TTC23: variants seen among roughly 807,000 people sequenced by gnomAD.
The protein encoded by TTC23 is tetratricopeptide repeat domain 23.
In TTC23, 58 loss-of-function variants were observed where a neutral mutation model predicts 55.1. The ratio of observed to expected loss-of-function variants is 1.05; its 90% CI spans 0.85 to 1.31. TTC23 has a LOEUF of 1.31. Among genes scored for constraint, TTC23 ranks in the 50% most tolerant of loss-of-function variants. The pLI is 0.00. For synonymous variants in TTC23, 203 were observed against 199.9 expected, an observed-to-expected ratio of 1.02 and a Z score of -0.13; for missense variants, 516 against 534.4, an observed-to-expected ratio of 0.97 and a Z score of 0.34.
At chr15:99,197,260 G>A (rs954212819) in intron 9 of TTC23, among the ~76,000 whole-genome samples, 64 of 152,042 alleles carry the variant, frequency 4.2e-4, no homozygotes, top group African/African-American at 1.2e-3. Context: ...CCGCCACCAT[G>A]CCCGGCTAAT....
chr15:99,196,926 G>C (rs1365010204), intron 9 of TTC23, among the ~76,000 whole-genome samples: 2 of 152,162 alleles, frequency 1.3e-5, no homozygotes, highest in African/African-American at 2.4e-5. Flanking sequence ...AGCAGAGGGA[G>C]CTTCTTATAG....
intron 4 of TTC23, among the ~76,000 whole-genome samples, chr15:99,233,681 A>G (rs1243413443): frequency 6.6e-6 from 1 of 152,234 alleles, no homozygotes; most frequent in Non-Finnish European, 1.5e-5. Context: ...ACGATCAGAA[A>G]CAAGACAAGA....
At chr15:99,228,490 C>CTCAA (rs755377774) in intron 5 of TTC23, 43 bp downstream of exon 5, 1 of 1,525,952 alleles carries the variant, frequency 6.6e-7, no homozygotes, top group East Asian at 2.3e-5. Context: ...TACCATATAG[C>CTCAA]TCAATTCTCA....
At chr15:99,176,427 A>G (rs1335529498) in intron 9 of TTC23, among the ~76,000 whole-genome samples, 1 of 152,142 alleles carries the variant, frequency 6.6e-6, no homozygotes, top group Non-Finnish European at 1.5e-5. Flanking sequence ...CCTGGGCAAC[A>G]TGGTGAAACC....
intron 2 of TTC23, among the ~76,000 whole-genome samples, chr15:99,242,771 C>T (rs2079916021): frequency 6.6e-6 from 1 of 152,022 alleles, no homozygotes. Flanking sequence ...ACACATTTGG[C>T]AAAATCCATT....
intron 8 of TTC23, among the ~76,000 whole-genome samples, chr15:99,209,115 A>G (rs2076845328): frequency 6.6e-6 from 1 of 152,230 alleles, no homozygotes; most frequent in South Asian, 2.1e-4. Context: ...AAGAGGAGAC[A>G]CTATCTCATT....
Position 99,147,319 on chromosome 15 carries a change from A to G in TTC23, c.1144-7920T>C, listed in dbSNP as rs1350619928. Among the ~76,000 whole-genome samples, 379 of 143,096 alleles carry G rather than the reference A, an allele frequency of 2.6e-3. 3 individuals carry two copies. Among genetic ancestry groups the G allele is most frequent in the Non-Finnish European group, 3.4e-3 (226 of 66,298 alleles). The allele number at this position is 143,096 out of a possible 152,430, so 93.9% of individuals were successfully genotyped here. On this transcript the variant is annotated intron_variant, in intron 12 of 13. Coordinates refer to ENST00000394132, the MANE Select transcript of TTC23 (RefSeq NM_001288615.3). ...CAGCTCACTGCAAGCTCCGCCTCCC[A>G]GGTTCACGCCATTCTCCTGCCTCAG...
In TTC23 at chr15:99,219,020, T is replaced by C; in HGVS notation, c.333A>G (p.Ala111=). The C allele has an allele frequency of 6.2e-7, 1 of 1,614,180 alleles. No homozygotes were observed. Among genetic ancestry groups the C allele is most frequent in the Non-Finnish European group, 8.5e-7 (1 of 1,180,006 alleles). The part of the protein sequence containing the change: ...KGLSLQAKQH[A]EKARQILANS... ...TGGCGAGGATTTGTCTGGCTTTTTC[T>C]GCATGTTGTTTTGCTTGCAGTGACA... The change falls in exon 7 of 14, where the codon GCA becomes GCG. Residue 111 remains alanine, a synonymous_variant. Coordinates refer to ENST00000394132, the MANE Select transcript of TTC23 (RefSeq NM_001288615.3).
At chr15:99,244,898 A>T (rs2080109016) in intron 2 of TTC23, among the ~76,000 whole-genome samples, 1 of 152,224 alleles carries the variant, frequency 6.6e-6, no homozygotes, top group Non-Finnish European at 1.5e-5. Context: ...CTAAAGTAAA[A>T]GTAATCAAAA....
chr15:99,244,428 A>T (rs1014555748), intron 2 of TTC23, among the ~76,000 whole-genome samples: 2 of 152,224 alleles, frequency 1.3e-5, no homozygotes, highest in Non-Finnish European at 2.9e-5. Context: ...CCCCCCAATT[A>T]GAACGACTAA....
intron 8 of TTC23, among the ~76,000 whole-genome samples, chr15:99,214,912 A>G (rs1395728328): frequency 1.5e-5 from 2 of 134,486 alleles, no homozygotes; most frequent in African/African-American, 5.8e-5. Flanking sequence ...CTGGAGTGCA[A>G]TGGCGCGATC....
At chr15:99,231,500 G>GT (rs974422838) in intron 4 of TTC23, among the ~76,000 whole-genome samples, 30 of 150,730 alleles carry the variant, frequency 2.0e-4, no homozygotes, top group South Asian at 8.5e-4. Flanking sequence ...TCTTAATTTT[G>GT]TTTTTTTTTG....
intron 8 of TTC23, among the ~76,000 whole-genome samples, chr15:99,213,841 A>G (rs1013947380): frequency 6.6e-6 from 1 of 152,246 alleles, no homozygotes; most frequent in Admixed American, 6.5e-5. Flanking sequence ...CAAATAATGT[A>G]GCTTTGAATA....
At chr15:99,186,918 G>T (rs117630651) in intron 9 of TTC23, among the ~76,000 whole-genome samples, 2,452 of 151,996 alleles carry the variant, frequency 0.016, 33 homozygotes, top group Non-Finnish European at 0.026. Context: ...CAAAATCCTG[G>T]TTTGTTTTGT....
upstream of TTC23, among the ~76,000 whole-genome samples, chr15:99,250,806 G>T (rs941012092): frequency 2.0e-5 from 3 of 152,206 alleles, no homozygotes; most frequent in African/African-American, 7.2e-5. Context: ...GAAGGGCAGA[G>T]ACTAGGTTAC....
At chr15:99,233,625 C>G (rs1037588465) in intron 4 of TTC23, among the ~76,000 whole-genome samples, 1 of 152,132 alleles carries the variant, frequency 6.6e-6, no homozygotes, top group Non-Finnish European at 1.5e-5. Context: ...GAAAAACCTA[C>G]AGCTAACATC....
intron 10 of TTC23, among the ~76,000 whole-genome samples, chr15:99,170,151 C>T (rs914119358): frequency 6.6e-6 from 1 of 152,116 alleles, no homozygotes; most frequent in Non-Finnish European, 1.5e-5. Flanking sequence ...TAGTGACATT[C>T]CAGGAGCCTG....
At chr15:99,230,036 A>T (rs2078807002) in intron 4 of TTC23, among the ~76,000 whole-genome samples, 1 of 152,234 alleles carries the variant, frequency 6.6e-6, no homozygotes, top group African/African-American at 2.4e-5. Flanking sequence ...TCCAAAGATT[A>T]CCAAGCATCC....
At chr15:99,238,558 A>G (rs1465424385) in intron 3 of TTC23, among the ~76,000 whole-genome samples, 1 of 152,214 alleles carries the variant, frequency 6.6e-6, no homozygotes, top group African/African-American at 2.4e-5. Context: ...AGCAGAGTGA[A>G]TAATTACAAA....
Sources: gnomAD v4.1 joint callset for allele counts (sites outside exome capture counted in the v4.1 genomes callset) on GRCh38, gnomAD v4.1.1 for gene constraint, MANE v1.5 for transcripts, NCBI Gene and HGNC (gene_info 2026-07-23, HGNC 2026-07-21) for gene names.